The following ARHGEF28 variants were observed in gnomAD, a reference collection of about 807,000 sequenced individuals.
ARHGEF28 encodes 190 kDa guanine nucleotide exchange factor.
Under a neutral mutation model 206.6 loss-of-function variants are expected in ARHGEF28, and 152 were observed. The ratio of observed to expected loss-of-function variants is 0.74; its 90% CI spans 0.64 to 0.84. The LOEUF is 0.84. ARHGEF28 is among the 40% of genes least tolerant of loss of function. The pLI is 0.00. For missense variants in ARHGEF28, 2,028 were observed against 2,073.2 expected (o/e 0.98, Z 0.42); for synonymous variants, 763 against 776.4 (o/e 0.98, Z 0.29).
At chr5:73,784,350 T>C (rs913464197) in intron 7 of ARHGEF28, among the ~76,000 whole-genome samples, 9 of 152,210 alleles carry the variant, frequency 5.9e-5, no homozygotes, top group Admixed American at 5.9e-4. Flanking sequence ...TATTATTGCC[T>C]ACGATCCAGT....
In ARHGEF28 at chr5:73,889,082, T is replaced by C. The variant is rs150759157; in HGVS notation, c.3387+1403T>C. On this transcript the variant is annotated intron_variant, in intron 26 of 35. Coordinates refer to ENST00000513042, the MANE Select transcript of ARHGEF28 (RefSeq NM_001177693.2). ...GTTACATCTATCTGACAATAGCCCATGTGTCACAAATATCTTATAGTTAAC... is the reference window on the plus strand; with the variant it reads ...GTTACATCTATCTGACAATAGCCCACGTGTCACAAATATCTTATAGTTAAC... 1.1e-4 allele frequency among the ~76,000 whole-genome samples: 17 copies of C among 152,340 alleles called. No homozygotes were observed. In the East Asian group the frequency reaches 3.3e-3, roughly 29 times the overall value.
intron 35 of ARHGEF28, among the ~76,000 whole-genome samples, chr5:73,932,434 C>G (rs1238516433): frequency 6.6e-6 from 1 of 151,950 alleles, no homozygotes; most frequent in Non-Finnish European, 1.5e-5. Context: ...TGACTGCTAT[C>G]TAGTTCAAGT....
At chr5:73,844,431 C>CTT (rs1758176013) in intron 11 of ARHGEF28, among the ~76,000 whole-genome samples, 2 of 152,100 alleles carry the variant, frequency 1.3e-5, no homozygotes, top group Admixed American at 1.3e-4. Context: ...CACGTAGCAA[C>CTT]TTGAAATACC....
intron 10 of ARHGEF28, among the ~76,000 whole-genome samples, chr5:73,833,555 G>A (rs771084844): frequency 6.6e-6 from 1 of 152,106 alleles, no homozygotes; most frequent in Non-Finnish European, 1.5e-5. Context: ...CTAACTGAAG[G>A]TCAGTCCTAG....
intron 14 of ARHGEF28, among the ~76,000 whole-genome samples, chr5:73,855,890 A>G (rs1003377717): frequency 2.6e-5 from 4 of 152,032 alleles, no homozygotes; most frequent in Non-Finnish European, 5.9e-5. Context: ...CCAATAATTA[A>G]TTTTCTTTTA....
In ARHGEF28 at chr5:73,933,015, T is replaced by C. The variant is rs1209300120; in HGVS notation, c.4949-7829T>C. On this transcript the variant is annotated intron_variant, in intron 35 of 35. Coordinates refer to ENST00000513042, the MANE Select transcript of ARHGEF28 (RefSeq NM_001177693.2). ...TTAGTAGAGACGGGGTTTCACCGTG[T>C]TAGCCCGGATGGTCTCGATCTCCTG... Among the ~76,000 whole-genome samples the C allele has an allele frequency of 3.9e-5, 6 of 152,100 alleles. No individual in the cohort carries two copies. The East Asian group carries it at 1.2e-3, about 30-fold the overall frequency.
chr5:73,702,975 TTAGA>T (rs1380130936), intron 2 of ARHGEF28, among the ~76,000 whole-genome samples: 1 of 152,170 alleles, frequency 6.6e-6, no homozygotes, highest in Non-Finnish European at 1.5e-5. Context: ...TATGGTGAGT[TTAGA>T]TAGCAAAGAA....
At chr5:73,760,788 C>T (rs1160092934) in intron 4 of ARHGEF28, among the ~76,000 whole-genome samples, 1 of 152,132 alleles carries the variant, frequency 6.6e-6, no homozygotes, top group Non-Finnish European at 1.5e-5. Context: ...CTCCTCTCCC[C>T]CCAATCATTT....
chr5:73,910,684 AT>A, intron 34 of ARHGEF28, among the ~76,000 whole-genome samples: 1 of 152,322 alleles, frequency 6.6e-6, no homozygotes, highest in East Asian at 1.9e-4. Flanking sequence ...CTATTCTGTT[AT>A]GCTGAGCTTC....
intron 1 of ARHGEF28, among the ~76,000 whole-genome samples, chr5:73,639,190 C>T (rs2544642): frequency 0.79 from 119,290 of 150,208 alleles, 48,118 homozygotes; most frequent in African/African-American, 0.94. Flanking sequence ...CATTCAGTCA[C>T]CTCTTGAGAG....
chr5:73,632,793 ACGGT>A, intron 1 of ARHGEF28, among the ~76,000 whole-genome samples: 6 of 152,132 alleles, frequency 3.9e-5, no homozygotes, highest in Admixed American at 3.9e-4. Context: ...ATGCTATCTG[ACGGT>A]GTAGAGCAGC....
intron 35 of ARHGEF28, among the ~76,000 whole-genome samples, chr5:73,914,229 C>T (rs941246370): frequency 6.6e-6 from 1 of 152,056 alleles, no homozygotes; most frequent in Admixed American, 6.6e-5. Flanking sequence ...TCACAACAAC[C>T]CACTGAGATG....
At chr5:73,891,958 T>C in intron 26 of ARHGEF28, 94 bp from the exon 27 acceptor site, 1 of 1,139,080 alleles carries the variant, frequency 8.8e-7, no homozygotes, top group East Asian at 2.6e-5. Context: ...GAGAAAGGTT[T>C]ACCTAGTACT....
Position 73,795,195 on chromosome 5 carries a change from T to G in ARHGEF28, c.964-136T>G, listed in dbSNP as rs879930031. The G allele has an allele frequency of 1.0e-4, 73 of 721,350 alleles. 1 individual carries two copies. Among genetic ancestry groups the G allele is most frequent in the Non-Finnish European group, 1.5e-4 (64 of 436,230 alleles). 44.7% of individuals were successfully genotyped at this position (721,350 alleles called of 1,614,324 possible). ...ATAATATTAAGTATAAGACTAGTTT[T>G]CTGTTTACATGTGATGATACTTGTA... On this transcript the variant is annotated intron_variant, in intron 8 of 35. Transcript: ENST00000513042.
At chr5:73,780,470 C>G (rs1023902787) in intron 6 of ARHGEF28, 1 of 557,928 alleles carries the variant, frequency 1.8e-6, no homozygotes, top group African/African-American at 1.9e-5. Flanking sequence ...GGACTTTGGC[C>G]CCTGCCTTGG....
At chr5:73,630,102 T>C (rs753964186) in intron 1 of ARHGEF28, among the ~76,000 whole-genome samples, 3 of 152,220 alleles carry the variant, frequency 2.0e-5, no homozygotes, top group Non-Finnish European at 4.4e-5. Context: ...TTAAAAAATA[T>C]ACACTTGAAA....
chr5:73,877,549 G>A (rs1760601344), intron 22 of ARHGEF28, among the ~76,000 whole-genome samples: 1 of 137,098 alleles, frequency 7.3e-6, no homozygotes, highest in Non-Finnish European at 1.6e-5. Context: ...GCTTTCTCTT[G>A]TGGGCATTTA....
chr5:73,671,049 G>T (rs923231613), intron 1 of ARHGEF28, among the ~76,000 whole-genome samples: 2 of 151,940 alleles, frequency 1.3e-5, no homozygotes, highest in Admixed American at 1.3e-4. Flanking sequence ...GTAGAATCTT[G>T]ACAGAAAAAT....
chr5:73,868,216 T>C lies in ARHGEF28; in HGVS notation c.2414T>C (p.Phe805Ser), dbSNP rs1203293253. ...SMGSSPSTES[F>S]IMEDVVDSSL... ...GGCTCTTCTCCCTCTACAGAGTCTT[T>C]CATAATGGAAGGTGAGGAGAAGACA... The change falls in exon 20 of 36, where the codon TTC (phenylalanine) becomes TCC (serine). Residue 805 changes from phenylalanine (F) to serine (S), a missense_variant. Around this residue, in one of 3 missense-constraint regions of ARHGEF28, gnomAD observed 1,002 missense variants for 1,015.3 expected, o/e 0.99. Coordinates refer to ENST00000513042, the MANE Select transcript of ARHGEF28 (RefSeq NM_001177693.2). 6.3e-7 allele frequency: 1 copy of C among 1,584,816 alleles called. No homozygotes were observed.
Sources: allele counts gnomAD v4.1 joint callset (sites outside exome capture counted in the v4.1 genomes callset), GRCh38; gene constraint gnomAD v4.1.1; regional missense constraint gnomAD v4.1.1; transcripts MANE v1.5; gene names NCBI Gene and HGNC (gene_info 2026-07-23, HGNC 2026-07-21).